MYH1: variants seen among roughly 807,000 people sequenced by gnomAD.
The protein encoded by MYH1 is myosin-1.
In MYH1, 214 loss-of-function variants were observed where a neutral mutation model predicts 225.6. The ratio of observed to expected loss-of-function variants is 0.95; its 90% CI spans 0.85 to 1.06. The LOEUF (loss-of-function observed/expected upper bound fraction) is 1.06, where lower values mean the gene tolerates loss of function less well. MYH1 is among the 50% of genes least tolerant of loss of function. MYH1 has a pLI of 0.00. For synonymous variants in MYH1, 774 were observed against 842.3 expected (o/e 0.92, Z 1.40); for missense variants, 2,098 against 2,344.2 (o/e 0.89, Z 2.17).
At position 10,494,450 on chromosome 17, in the gene MYH1, C is replaced by G; in HGVS notation, c.5572-1G>C. ...GAATATTCTTGCGGTCTTCCTCAGT[C>G]TGAAATAATGTTTTCAAGAGTAAGT... On this transcript the variant is annotated splice_acceptor_variant, in intron 38 of 39. Transcript: ENST00000226207. LOFTEE classifies it high-confidence loss of function. 6.2e-7 allele frequency: 1 copy of G among 1,613,134 alleles called. No individual in the cohort carries two copies. Among genetic ancestry groups the G allele is most frequent in the Non-Finnish European group, 8.5e-7 (1 of 1,179,814 alleles).
intron 39 of MYH1, among the ~76,000 whole-genome samples, chr17:10,492,858 G>A (rs199675106): frequency 1.0e-5 from 1 of 97,318 alleles, no homozygotes; most frequent in African/African-American, 3.4e-5. Context: ...TTTTTTTTTT[G>A]TTTGTTTGTT....
intron 17 of MYH1, among the ~76,000 whole-genome samples, chr17:10,506,531 T>G (rs576677263): frequency 2.0e-5 from 3 of 152,020 alleles, no homozygotes; most frequent in Non-Finnish European, 4.4e-5. Flanking sequence ...CTTGCTCTGT[T>G]GCCCAGGCTG....
intron 18 of MYH1, 28 bp from the exon 19 acceptor site, chr17:10,505,957 T>C (rs1567719511): frequency 6.2e-7 from 1 of 1,614,136 alleles, no homozygotes; most frequent in Admixed American, 1.7e-5. Flanking sequence ...CATGCCATAC[T>C]TCGTGGTCTA....
intron 9 of MYH1, among the ~76,000 whole-genome samples, chr17:10,513,198 C>G (rs1273289807): frequency 6.6e-6 from 1 of 152,144 alleles, no homozygotes; most frequent in African/African-American, 2.4e-5. Context: ...TACAGAAGAT[C>G]CTTGACATTT....
At position 10,514,092 on chromosome 17, in the gene MYH1, G is replaced by A. The variant is rs753924973; in HGVS notation, c.566C>T (p.Thr189Ile). 1 of 1,614,118 alleles carries A rather than the reference G, an allele frequency of 6.2e-7. No homozygotes were observed. The highest frequency in any genetic ancestry group is 8.5e-7 in the Non-Finnish European group (1 of 1,179,976). ...TGCAAAGTACTGGATGACACGCTTG[G>A]TGTTCACAGTCTTCCCTGCGCCAGA... Reference protein sequence around the residue: ...GESGAGKTVNTKRVIQYFATI... With the variant: ...GESGAGKTVNIKRVIQYFATI... The change falls in exon 7 of 40, where the codon ACC becomes ATC. Residue 189 changes from threonine to isoleucine, a missense_variant. Thr to Ile is a moderately conservative substitution (Grantham distance 89). Transcript: ENST00000226207.
Position 10,501,231 on chromosome 17 carries a change from T to G in MYH1, c.3617A>C (p.Glu1206Ala). The G allele has an allele frequency of 1.2e-6, 2 of 1,614,210 alleles. No homozygotes were observed. Among genetic ancestry groups the G allele is most frequent in the Non-Finnish European group, 1.7e-6 (2 of 1,180,040 alleles). Residue 1206 changes from glutamate (E) to alanine (A), a missense_variant, in exon 27 of 40, where the codon GAG (glutamate) becomes GCG (alanine). By Grantham distance (107) the Glu-to-Ala change is moderately radical. Coordinates refer to ENST00000226207, the MANE Select transcript of MYH1 (RefSeq NM_005963.4). Reference protein sequence around the residue: ...LRKKHADSVAELGEQIDNLQR... With the variant: ...LRKKHADSVAALGEQIDNLQR... ...CAGGTTGTCAATCTGCTCCCCAAGC[T>G]CGGCCACACTATCTGCATGCTTCTT...
chr17:10,514,145 G>A, intron 6 of MYH1, 21 bp from the exon 7 acceptor site: 1 of 1,612,262 alleles, frequency 6.2e-7, no homozygotes, highest in South Asian at 1.1e-5. Flanking sequence ...CCAAACGTAT[G>A]AGAAATTAAG....
At position 10,501,629 on chromosome 17, in the gene MYH1, C is replaced by T. The variant is rs750782921; in HGVS notation, c.3313G>A (p.Gly1105Ser). Residue 1105 changes from glycine to serine, a missense_variant, in exon 26 of 40, where the codon GGT becomes AGT. Transcript: ENST00000226207. ...QSKIEDEQAL[G>S]MQLQKKIKEL... The stretch of plus-strand genomic sequence containing the variant: ...TTGATTTTCTTCTGCAGCTGCATAC[C>T]AAGGGCTTGTTCATCTTCAATCTTG... 24 of 1,614,188 alleles carry T rather than the reference C, an allele frequency of 1.5e-5. 2 individuals are homozygous for T. The Middle Eastern group carries it at 2.1e-3, about 144-fold the overall frequency.
At position 10,494,350 on chromosome 17, in the gene MYH1, T is replaced by C; in HGVS notation, c.5667+4A>G. On this transcript the variant is annotated splice_donor_region_variant and intron_variant, in intron 39 of 39. Transcript: ENST00000226207. ...AAAATCACCCCAAGGGGTTGTGAAC[T>C]CACCGCTTCTTCAGCTTGTCTCTTG... 1 of 1,613,972 alleles carries C rather than the reference T, an allele frequency of 6.2e-7. No individual in the cohort carries two copies. Among genetic ancestry groups the C allele is most frequent in the Non-Finnish European group, 8.5e-7 (1 of 1,179,912 alleles).
In MYH1 at chr17:10,492,546, A is replaced by G. The variant is rs1462211812; in HGVS notation, c.5690T>C (p.Leu1897Pro). The G allele has an allele frequency of 1.2e-6, 2 of 1,613,294 alleles. No homozygotes were observed. The highest frequency in any genetic ancestry group is 2.7e-5 in the African/African-American group (2 of 74,846). Residue 1897 changes from leucine to proline, a missense_variant, in exon 40 of 40, where the codon CTC (leucine) becomes CCC (proline). Physicochemically the swap from Leu to Pro is moderately conservative, Grantham distance 98. Transcript: ENST00000226207. ...GTGCTGGATCCTGCGGAATTTGGAG[A>G]GGTTGACGTTGGATTGTTCCTCCTG... Reference protein sequence around the residue: ...EEAEEQSNVNLSKFRRIQHEL... With the variant: ...EEAEEQSNVNPSKFRRIQHEL...
At chr17:10,502,159 C>T (rs1259215344) in intron 24 of MYH1, among the ~76,000 whole-genome samples, 1 of 152,214 alleles carries the variant, frequency 6.6e-6, no homozygotes, top group Non-Finnish European at 1.5e-5. Flanking sequence ...TGCATCTCCC[C>T]ACTGGAATCC....
intron 16 of MYH1, 89 bp from the exon 17 acceptor site, chr17:10,508,045 T>G: frequency 8.6e-7 from 1 of 1,159,866 alleles, no homozygotes. Context: ...TTGACGAAGT[T>G]TCACTCTTGG....
chr17:10,517,846 T>G (rs2073244450), intron 2 of MYH1, among the ~76,000 whole-genome samples: 1 of 152,126 alleles, frequency 6.6e-6, no homozygotes, highest in Admixed American at 6.5e-5. Context: ...CTCTCATAGG[T>G]TTTTATATTT....
intron 2 of MYH1, among the ~76,000 whole-genome samples, chr17:10,517,797 A>C (rs2073243965): frequency 6.6e-6 from 1 of 152,184 alleles, no homozygotes; most frequent in Admixed American, 6.5e-5. Context: ...TTTCCAAGGC[A>C]AAGATTCAGA....
rs200755710 is a variant in MYH1, at chr17:10,494,418, A to G, written c.5603T>C (p.Leu1868Pro). 9.9e-6 allele frequency: 16 copies of G among 1,614,150 alleles called. No homozygotes were observed. The highest frequency in any genetic ancestry group is 1.4e-5 in the Non-Finnish European group (16 of 1,180,028). Residue 1868 changes from leucine (L) to proline (P), a missense_variant, in exon 39 of 40, where the codon CTC becomes CCC. Physicochemically the swap from Leu to Pro is moderately conservative, Grantham distance 98. Transcript: ENST00000226207. ...TEEDRKNILR[L>P]QDLVDKLQAK... ...TTGCAGTTTGTCCACCAGGTCCTGG[A>G]GCCTGAGAATATTCTTGCGGTCTTC...
chr17:10,508,068 G>T, intron 16 of MYH1, 112 bp from the exon 17 acceptor site: 2 of 889,016 alleles, frequency 2.2e-6, no homozygotes, highest in Non-Finnish European at 1.8e-6. Flanking sequence ...GCCCAGGCTG[G>T]AGTGCAGTGG....
At position 10,515,941 on chromosome 17, in the gene MYH1, G is replaced by A. The variant is rs2073222186; in HGVS notation, c.490C>T (p.Gln164Ter). 2 of 1,614,154 alleles carry A rather than the reference G, an allele frequency of 1.2e-6. No homozygotes were observed. The highest frequency in any genetic ancestry group is 1.7e-6 in the Non-Finnish European group (2 of 1,180,028). Residue 164 changes from glutamine (Q) to a stop codon, truncating the protein, a stop_gained, in exon 5 of 40, where the codon CAG (glutamine) becomes TAG (stop). Transcript: ENST00000226207. LOFTEE classifies it high-confidence loss of function. ...HIFSISDNAY[Q>*]FMLTDRENQS... ...AGCCACTCACCAGTCAGCATGAACT[G>A]ATAGGCATTGTCAGAGATGGAGAAG...
intron 33 of MYH1, 27 bp from the exon 34 acceptor site, chr17:10,496,576 G>A: frequency 1.2e-6 from 2 of 1,613,826 alleles, no homozygotes; most frequent in Non-Finnish European, 1.7e-6. Context: ...GGTGACATTA[G>A]TAGAGTAATG....
In MYH1 at chr17:10,504,847, A is replaced by T. The variant is rs1468770024; in HGVS notation, c.2654T>A (p.Met885Lys). 1 of 1,614,162 alleles carries T rather than the reference A, an allele frequency of 6.2e-7. No homozygotes were observed. The highest frequency in any genetic ancestry group is 8.5e-7 in the Non-Finnish European group (1 of 1,180,022). The part of the protein sequence containing the change: ...KELEEKMVTL[M>K]QEKNDLQLQV... ...GAGTTGCAAGTCATTTTTTTCTTGCATCAGAGTAACCATTTTTTCTTCCAG... is the reference window on the plus strand; with the variant it reads ...GAGTTGCAAGTCATTTTTTTCTTGCTTCAGAGTAACCATTTTTTCTTCCAG... The change falls in exon 22 of 40, where the codon ATG becomes AAG. Residue 885 changes from methionine to lysine, a missense_variant. Transcript: ENST00000226207.
Sources: allele counts gnomAD v4.1 joint callset (sites outside exome capture counted in the v4.1 genomes callset), GRCh38; gene constraint gnomAD v4.1.1; transcripts MANE v1.5; gene names NCBI Gene and HGNC (gene_info 2026-07-23, HGNC 2026-07-21).